The following SMAD9 variants were observed in gnomAD, a reference collection of about 807,000 sequenced individuals.
SMAD9 encodes the protein MAD homolog 9.
A neutral mutation model predicts 46.1 loss-of-function variants in SMAD9; 36 were observed. The ratio of observed to expected loss-of-function variants is 0.78; its 90% confidence interval spans 0.60 to 1.03. The LOEUF (loss-of-function observed/expected upper bound fraction) is 1.03. Among genes scored for constraint, SMAD9 ranks in the 50% least tolerant of loss-of-function variants. The pLI is 0.00. For missense variants in SMAD9, 572 were observed against 599.8 expected, an observed-to-expected ratio of 0.95 and a Z score of 0.48; for synonymous variants, 245 against 237.1, an observed-to-expected ratio of 1.03 and a Z score of -0.31.
At chr13:36,883,896 G>A (rs1465349562) in intron 1 of SMAD9, among the ~76,000 whole-genome samples, 4 of 152,112 alleles carry the variant, frequency 2.6e-5, no homozygotes, top group East Asian at 3.8e-4. Context: ...TCTTAGGCAC[G>A]TCATGCTGTC....
At position 36,853,280 on chromosome 13, in the gene SMAD9, G is replaced by A. The variant is rs190523686; in HGVS notation, c.1260+139C>T. On this transcript the variant is annotated intron_variant, in intron 6 of 6. Coordinates refer to ENST00000379826, the MANE Select transcript of SMAD9 (RefSeq NM_001127217.3). ...AGCCTGTGTGACAGAGTGAAACTCC[G>A]TCTCAAAAAATAATAATAATAATAA... The A allele has an allele frequency of 2.1e-3, 1,742 of 819,728 alleles. 6 individuals carry two copies. Among genetic ancestry groups the A allele is most frequent in the Non-Finnish European group, 2.3e-3 (1,178 of 507,798 alleles). The allele number at this position is 819,728 out of a possible 1,614,324, so 50.8% of individuals were successfully genotyped here.
chr13:36,872,513 T>C, intron 3 of SMAD9, 145 bp downstream of exon 3: 1 of 961,554 alleles, frequency 1.0e-6, no homozygotes, highest in Non-Finnish European at 1.6e-6. Flanking sequence ...GGTATAGTCC[T>C]AATCATTTTA....
intron 3 of SMAD9, 45 bp downstream of exon 3, chr13:36,872,613 G>T: frequency 2.5e-6 from 4 of 1,602,524 alleles, no homozygotes; most frequent in Non-Finnish European, 3.4e-6. Flanking sequence ...CATGATGTTG[G>T]GCTTATTTTC....
At chr13:36,874,897 A>ATATG (rs71084452) in intron 2 of SMAD9, among the ~76,000 whole-genome samples, 44,688 of 141,590 alleles carry the variant, frequency 0.32, 8,583 homozygotes, top group Non-Finnish European at 0.43. Context: ...ATATATATGT[A>ATATG]TATGTATGTA....
At chr13:36,919,062 T>A (rs938856495) in intron 1 of SMAD9, among the ~76,000 whole-genome samples, 1 of 152,240 alleles carries the variant, frequency 6.6e-6, no homozygotes, top group Non-Finnish European at 1.5e-5. Context: ...TTTCTCACTG[T>A]AAACTACTGG....
intron 1 of SMAD9, among the ~76,000 whole-genome samples, chr13:36,906,804 TTGA>T (rs1164759070): frequency 1.3e-5 from 2 of 152,210 alleles, no homozygotes; most frequent in Non-Finnish European, 1.5e-5. Context: ...TTGCACATTG[TTGA>T]TGAGAATGTA....
rs534164830 is a variant in SMAD9, at chr13:36,855,288, G to T, written c.1004-1613C>A. On this transcript the variant is annotated intron_variant, in intron 5 of 6. Transcript: ENST00000379826. The stretch of plus-strand genomic sequence containing the variant: ...AAAAAAAAAAAAAGAAAAGCATCCT[G>T]AGAATGTTGCTGCTCATGCTAATTT... Among the ~76,000 whole-genome samples, 4 of 149,142 alleles carry T rather than the reference G, an allele frequency of 2.7e-5. No individual in the cohort carries two copies. The East Asian group carries it at 7.9e-4, about 29-fold the overall frequency.
intron 5 of SMAD9, among the ~76,000 whole-genome samples, chr13:36,859,589 A>G (rs774670809): frequency 6.6e-5 from 10 of 152,238 alleles, no homozygotes; most frequent in Non-Finnish European, 1.3e-4. Flanking sequence ...CATGGCGAAC[A>G]TGGTAACATC....
At position 36,845,732 on chromosome 13, in the gene SMAD9, AG is replaced by A. The variant is rs779105627; in HGVS notation, c.*2943del. The A allele has an allele frequency of 7.5e-4, 114 of 152,318 alleles. 2 individuals carry two copies. The highest frequency in any genetic ancestry group is 2.6e-3 in the African/African-American group (107 of 41,580). The allele number at this position is 152,318 out of a possible 1,614,324, so 9.4% of individuals were successfully genotyped here. ...ATTTTTTGAAACTCTTGGTAGCAAA[AG>A]AAAAAGCTGATTAAAATATGATTGT... On this transcript the variant is annotated 3_prime_UTR_variant, in exon 7 of 7. Transcript: ENST00000379826.
chr13:36,867,295 T>C lies in SMAD9; in HGVS notation c.759A>G (p.Val253=). The stretch of plus-strand genomic sequence containing the variant: ...TACCTCCATTTGGTATCGATAGCAC[T>C]ACATGTCTATCAGCTGTGGCATCTA... ...QPVDATADRH[V]VLSIPNGDFR... The change falls in exon 4 of 7, where the codon GTA becomes GTG. Residue 253 remains valine (V), a synonymous_variant. Coordinates refer to ENST00000379826, the MANE Select transcript of SMAD9 (RefSeq NM_001127217.3). 6.5e-7 allele frequency: 1 copy of C among 1,549,740 alleles called. No individual in the cohort carries two copies. Among genetic ancestry groups the C allele is most frequent in the Non-Finnish European group, 8.7e-7 (1 of 1,145,206 alleles).
intron 1 of SMAD9, among the ~76,000 whole-genome samples, chr13:36,893,389 C>CATATATATATATAT (rs538703517): frequency 6.8e-6 from 1 of 146,270 alleles, no homozygotes; most frequent in South Asian, 2.1e-4. Flanking sequence ...AACTATTGTA[C>CATATATATATATAT]ATATATATAT....
intron 1 of SMAD9, among the ~76,000 whole-genome samples, chr13:36,880,880 A>AT (rs1362292719): frequency 6.6e-6 from 1 of 152,160 alleles, no homozygotes; most frequent in African/African-American, 2.4e-5. Flanking sequence ...TTCAATCAAT[A>AT]TTTTTTTAAT....
chr13:36,884,819 G>A (rs1313275800), intron 1 of SMAD9, among the ~76,000 whole-genome samples: 1 of 152,132 alleles, frequency 6.6e-6, no homozygotes, highest in East Asian at 1.9e-4. Flanking sequence ...CCTAAGCCCT[G>A]GGCACATGGA....
chr13:36,879,726 G>A lies in SMAD9; in HGVS notation c.-37C>T, dbSNP rs113331638. The stretch of plus-strand genomic sequence containing the variant: ...GCAGGCTCCGGCGCGCACGGGAACC[G>A]CACAGCCCTTCACGGCAAAGTGGGC... On this transcript the variant is annotated 5_prime_UTR_variant, in exon 2 of 7. Coordinates refer to ENST00000379826, the MANE Select transcript of SMAD9 (RefSeq NM_001127217.3). 1.6e-3 allele frequency: 2,592 copies of A among 1,610,792 alleles called. 34 individuals are homozygous for A. The African/African-American group carries it at 0.028, about 17-fold the overall frequency.
At chr13:36,882,564 T>C (rs966958372) in intron 1 of SMAD9, among the ~76,000 whole-genome samples, 1 of 152,136 alleles carries the variant, frequency 6.6e-6, no homozygotes, top group Non-Finnish European at 1.5e-5. Context: ...ATTTTACTGC[T>C]GCAAGATACC....
In SMAD9 at chr13:36,855,268, A is replaced by G. The variant is rs566763091; in HGVS notation, c.1004-1593T>C. On this transcript the variant is annotated intron_variant, in intron 5 of 6. Coordinates refer to ENST00000379826, the MANE Select transcript of SMAD9 (RefSeq NM_001127217.3). ...GTCCATCTCAAAAAAAAAAAAAAAAAAAAAAAAGAAAAGCATCCTGAGAAT... is the reference window on the plus strand; with the variant it reads ...GTCCATCTCAAAAAAAAAAAAAAAAGAAAAAAAGAAAAGCATCCTGAGAAT... 3.3e-5 allele frequency among the ~76,000 whole-genome samples: 5 copies of G among 151,600 alleles called. No individual in the cohort carries two copies. The South Asian group carries it at 1.0e-3, about 32-fold the overall frequency.
At chr13:36,919,787 C>A (rs1424905326) in intron 1 of SMAD9, among the ~76,000 whole-genome samples, 1 of 151,182 alleles carries the variant, frequency 6.6e-6, no homozygotes, top group Non-Finnish European at 1.5e-5. Flanking sequence ...GCGCCGCGGC[C>A]AACTCCCCAG....
At chr13:36,852,139 G>C (rs1283476894) in intron 6 of SMAD9, 2 of 966,890 alleles carry the variant, frequency 2.1e-6, no homozygotes, top group Non-Finnish European at 2.5e-6. Context: ...ATAATTTCAA[G>C]CAGCTGTTTT....
rs1752644 is a variant in SMAD9, at chr13:36,898,704, T to C, written c.-186-18829A>G. 7.1e-3 allele frequency among the ~76,000 whole-genome samples: 1,083 copies of C among 152,308 alleles called. 12 individuals carry two copies. Among genetic ancestry groups the C allele is most frequent in the African/African-American group, 0.025 (1,041 of 41,568 alleles). ...ATGCAGAAAAAAACATTTGACACTA[T>C]TCAATACCCATTCATGAGTTTTAAA... is the stretch of plus-strand genomic sequence containing the variant. On this transcript the variant is annotated intron_variant, in intron 1 of 6. Coordinates refer to ENST00000379826, the MANE Select transcript of SMAD9 (RefSeq NM_001127217.3).
Sources: allele counts gnomAD v4.1 joint callset (sites outside exome capture counted in the v4.1 genomes callset), GRCh38; gene constraint gnomAD v4.1.1; transcripts MANE v1.5; gene names NCBI Gene and HGNC (gene_info 2026-07-23, HGNC 2026-07-21).